Variants in KCNC2 observed in about 807,000 individuals in gnomAD.
KCNC2 encodes potassium voltage-gated channel subfamily C member 2.
KCNC2 carries 21 observed loss-of-function variants against 44.5 expected under a neutral mutation model. The ratio of observed to expected loss-of-function variants is 0.47; its 90% CI spans 0.33 to 0.68. The LOEUF is 0.68. Among genes scored for constraint, KCNC2 ranks in the 30% least tolerant of loss-of-function variants. KCNC2 has a pLI of 0.01. For missense variants in KCNC2, 589 were observed against 826.2 expected (o/e 0.71, Z 3.52); for synonymous variants, 391 against 339.1 (o/e 1.15, Z -1.68).
chr12:75,206,591 T>G (rs921447903), intron 2 of KCNC2, among the ~76,000 whole-genome samples: 10 of 152,218 alleles, frequency 6.6e-5, no homozygotes, highest in East Asian at 5.8e-4. Flanking sequence ...ATGTTCAACC[T>G]GTAAGGATCA....
intron 4 of KCNC2, chr12:75,043,801 C>T: frequency 6.7e-7 from 1 of 1,488,256 alleles, no homozygotes; most frequent in Non-Finnish European, 9.0e-7. Context: ...GATGGAATGC[C>T]CATTTCTAAT....
intron 2 of KCNC2, among the ~76,000 whole-genome samples, chr12:75,205,980 T>C (rs1040557714): frequency 6.6e-6 from 1 of 152,074 alleles, no homozygotes; most frequent in Non-Finnish European, 1.5e-5. Context: ...AATTTATGTA[T>C]GCATTTAAAT....
At chr12:75,195,693 G>A (rs1565686202) in intron 2 of KCNC2, among the ~76,000 whole-genome samples, 1 of 152,000 alleles carries the variant, frequency 6.6e-6, no homozygotes, top group Non-Finnish European at 1.5e-5. Context: ...CTAAACTGTG[G>A]CCCTCTTGAA....
intron 2 of KCNC2, among the ~76,000 whole-genome samples, chr12:75,138,489 C>T (rs1044739227): frequency 6.6e-6 from 1 of 151,984 alleles, no homozygotes; most frequent in Non-Finnish European, 1.5e-5. Flanking sequence ...CTGGACACCC[C>T]AGGAAATTAA....
At chr12:75,177,259 C>A (rs1892253648) in intron 2 of KCNC2, among the ~76,000 whole-genome samples, 1 of 151,460 alleles carries the variant, frequency 6.6e-6, no homozygotes, top group Non-Finnish European at 1.5e-5. Context: ...GCAAAAAGAA[C>A]AATGAAAAAA....
chr12:75,208,314 A>T (rs1344037904), intron 1 of KCNC2, among the ~76,000 whole-genome samples: 1 of 147,194 alleles, frequency 6.8e-6, no homozygotes, highest in Non-Finnish European at 1.5e-5. Context: ...TTCACCTTCC[A>T]CTCTTCCTCT....
intron 4 of KCNC2, among the ~76,000 whole-genome samples, chr12:75,046,120 A>G (rs1415509090): frequency 1.3e-5 from 2 of 151,790 alleles, no homozygotes; most frequent in East Asian, 1.9e-4. Flanking sequence ...GAAAAAACAT[A>G]TAACTATAAA....
chr12:75,202,086 C>A (rs1215432207), intron 2 of KCNC2, among the ~76,000 whole-genome samples: 1 of 151,872 alleles, frequency 6.6e-6, no homozygotes, highest in Non-Finnish European at 1.5e-5. Flanking sequence ...AAAGGTTGAT[C>A]TATACCTTCC....
intron 2 of KCNC2, among the ~76,000 whole-genome samples, chr12:75,064,711 A>G (rs1375340507): frequency 6.6e-6 from 1 of 152,046 alleles, no homozygotes; most frequent in Non-Finnish European, 1.5e-5. Flanking sequence ...CATTGAAATG[A>G]CAGTAGTCAT....
At chr12:75,111,159 C>T (rs1887205128) in intron 2 of KCNC2, among the ~76,000 whole-genome samples, 1 of 152,078 alleles carries the variant, frequency 6.6e-6, no homozygotes, top group African/African-American at 2.4e-5. Flanking sequence ...AGTAAAATCA[C>T]TGTGTTAGCT....
At chr12:75,100,368 T>A (rs984089478) in intron 2 of KCNC2, among the ~76,000 whole-genome samples, 2 of 152,058 alleles carry the variant, frequency 1.3e-5, no homozygotes, top group African/African-American at 4.8e-5. Flanking sequence ...ACCTAACTCC[T>A]TATTATCTCT....
intron 2 of KCNC2, among the ~76,000 whole-genome samples, chr12:75,064,492 T>C (rs1236475695): frequency 6.6e-6 from 1 of 152,076 alleles, no homozygotes; most frequent in African/African-American, 2.4e-5. Context: ...GATCAGCAAG[T>C]ATACAGGGTC....
chr12:75,154,359 G>T (rs959070370), intron 2 of KCNC2, among the ~76,000 whole-genome samples: 1 of 152,016 alleles, frequency 6.6e-6, no homozygotes, highest in African/African-American at 2.4e-5. Flanking sequence ...TTTATAGAGT[G>T]AGCAGCTGAG....
intron 2 of KCNC2, among the ~76,000 whole-genome samples, chr12:75,153,982 A>G (rs1371688636): frequency 2.0e-5 from 3 of 151,894 alleles, no homozygotes; most frequent in Non-Finnish European, 4.4e-5. Context: ...CATTCTGCGT[A>G]CTTATTGAAA....
At chr12:75,171,452 A>G (rs956089835) in intron 2 of KCNC2, among the ~76,000 whole-genome samples, 1 of 151,910 alleles carries the variant, frequency 6.6e-6, no homozygotes, top group Non-Finnish European at 1.5e-5. Context: ...TGCTTTTCTC[A>G]GTCATCTTTA....
At chr12:75,193,619 G>A (rs780120503) in intron 2 of KCNC2, among the ~76,000 whole-genome samples, 1 of 152,082 alleles carries the variant, frequency 6.6e-6, no homozygotes, top group Non-Finnish European at 1.5e-5. Flanking sequence ...AAAATCTAAG[G>A]TACCTTCATA....
chr12:75,152,955 A>G (rs1468293748), intron 2 of KCNC2, among the ~76,000 whole-genome samples: 1 of 152,014 alleles, frequency 6.6e-6, no homozygotes, highest in Non-Finnish European at 1.5e-5. Flanking sequence ...TAAAAACTCA[A>G]TTCACCCAAA....
chr12:75,182,546 A>G (rs1236958422), intron 2 of KCNC2, among the ~76,000 whole-genome samples: 1 of 145,722 alleles, frequency 6.9e-6, no homozygotes, highest in African/African-American at 2.5e-5. Context: ...AACAAAAAAA[A>G]CAAAAAAAAA....
Position 75,042,200 on chromosome 12 carries a change from C to T in KCNC2, c.*905G>A. The stretch of plus-strand genomic sequence containing the variant: ...CTGCCTCTGAAAATGATGACAAACC[C>T]TGGGTATTTTTTTTTTTTAAAGAGT... On this transcript the variant is annotated 3_prime_UTR_variant, in exon 5 of 5. Transcript: ENST00000549446. The T allele has an allele frequency of 7.4e-7, 1 of 1,358,354 alleles. No homozygotes were observed. The highest frequency in any genetic ancestry group is 9.6e-7 in the Non-Finnish European group (1 of 1,046,550). The allele number at this position is 1,358,354 out of a possible 1,614,324, so 84.1% of individuals were successfully genotyped here.
Sources: allele counts gnomAD v4.1 joint callset (sites outside exome capture counted in the v4.1 genomes callset), GRCh38; gene constraint gnomAD v4.1.1; transcripts MANE v1.5; gene names NCBI Gene and HGNC (gene_info 2026-07-23, HGNC 2026-07-21).